The following KIF16B variants were observed in gnomAD, a reference collection of about 807,000 sequenced individuals.
KIF16B encodes kinesin family member 16B.
Under a neutral mutation model 156.3 loss-of-function variants are expected in KIF16B, and 98 were observed. The ratio of observed to expected loss-of-function variants is 0.63; its 90% CI spans 0.53 to 0.74. The LOEUF (loss-of-function observed/expected upper bound fraction) is 0.74, where lower values mean the gene tolerates loss of function less well. Among genes scored for constraint, KIF16B ranks in the 30% least tolerant of loss-of-function variants. The pLI, the probability that KIF16B is intolerant of heterozygous loss-of-function variation, is 0.00. For missense variants in KIF16B, 1,421 were observed against 1,606.5 expected, an observed-to-expected ratio of 0.88 and a Z score of 1.97; for synonymous variants, 564 against 583.7, an observed-to-expected ratio of 0.97 and a Z score of 0.49.
intron 12 of KIF16B, among the ~76,000 whole-genome samples, chr20:16,440,533 GCACACACA>G (rs71192333): frequency 0.27 from 37,392 of 138,070 alleles, 5,262 homozygotes; most frequent in East Asian, 0.5. Context: ...ACAAGCGCGC[GCACACACA>G]CACACACACA....
chr20:16,443,412 C>T (rs983111204), intron 12 of KIF16B, among the ~76,000 whole-genome samples: 1 of 152,136 alleles, frequency 6.6e-6, no homozygotes, highest in African/African-American at 2.4e-5. Context: ...CCTCTATGAA[C>T]CCAAAGAGTT....
intron 25 of KIF16B, among the ~76,000 whole-genome samples, chr20:16,305,812 T>C (rs1190256656): frequency 2.0e-5 from 3 of 152,178 alleles, no homozygotes; most frequent in Admixed American, 6.5e-5. Context: ...GCACTTAACA[T>C]AATGACCTCC....
chr20:16,308,582 C>T (rs1432195119), intron 25 of KIF16B, among the ~76,000 whole-genome samples: 1 of 152,202 alleles, frequency 6.6e-6, no homozygotes, highest in Admixed American at 6.5e-5. Context: ...TTTCTCCTCC[C>T]CAAGACATAG....
chr20:16,412,746 G>A (rs934064038), intron 15 of KIF16B, among the ~76,000 whole-genome samples: 2 of 152,044 alleles, frequency 1.3e-5, no homozygotes, highest in African/African-American at 4.8e-5. Context: ...GGGATTATGG[G>A]AACTACAATT....
chr20:16,417,044 T>C (rs1384038266), intron 15 of KIF16B, among the ~76,000 whole-genome samples: 3 of 152,048 alleles, frequency 2.0e-5, no homozygotes, highest in Non-Finnish European at 4.4e-5. Flanking sequence ...TGTCCTCTCA[T>C]TTCTTGGCCG....
chr20:16,559,084 A>AACCC (rs1329733271), intron 1 of KIF16B, among the ~76,000 whole-genome samples: 81 of 152,028 alleles, frequency 5.3e-4, no homozygotes, highest in Non-Finnish European at 1.0e-3. Flanking sequence ...CCCTATAGGC[A>AACCC]TTGAGTTTGC....
chr20:16,436,997 C>T (rs895420700), intron 12 of KIF16B, among the ~76,000 whole-genome samples: 5 of 152,124 alleles, frequency 3.3e-5, no homozygotes, highest in African/African-American at 7.2e-5. Flanking sequence ...AAGTCTCTCA[C>T]GTAAAATGGC....
chr20:16,504,449 C>T lies in KIF16B; in HGVS notation c.1099G>A (p.Asp367Asn), dbSNP rs1247466656. Residue 367 changes from aspartate to asparagine, a missense_variant, in exon 10 of 26, where the codon GAT becomes AAT. By Grantham distance (23) the Asp-to-Asn change is conservative. Transcript: ENST00000354981. The part of the protein sequence containing the change: ...NIINKPTINE[D>N]ANVKLIRELR... ...TCACGGATAAGTTTGACGTTGGCAT[C>T]CTCATTAATGGTAGGCTTGTTGATG... 1 of 1,614,120 alleles carries T rather than the reference C, an allele frequency of 6.2e-7. No homozygotes were observed. The highest frequency in any genetic ancestry group is 8.5e-7 in the Non-Finnish European group (1 of 1,179,978).
chr20:16,480,604 C>G (rs952075353), intron 12 of KIF16B, among the ~76,000 whole-genome samples: 1 of 152,120 alleles, frequency 6.6e-6, no homozygotes, highest in Non-Finnish European at 1.5e-5. Context: ...GTATTTCATT[C>G]AAATGAGATA....
rs559146152 is a variant in KIF16B at position 16,489,170 on chromosome 20, C to A, written c.1302+5121G>T. ...CCGAGGGCAAGGCTATGTCACCTGG[C>A]AGAACTGCTACCACAATGGGCTGGT... On this transcript the variant is annotated intron_variant, in intron 12 of 25. Coordinates refer to ENST00000354981, the MANE Select transcript of KIF16B (RefSeq NM_024704.5). Among the ~76,000 whole-genome samples, 206 of 152,258 alleles carry A rather than the reference C, an allele frequency of 1.4e-3. 1 individual carries two copies. The highest frequency in any genetic ancestry group is 4.6e-3 in the African/African-American group (192 of 41,540).
At chr20:16,467,531 G>C (rs2067527076) in intron 12 of KIF16B, among the ~76,000 whole-genome samples, 1 of 152,134 alleles carries the variant, frequency 6.6e-6, no homozygotes, top group Non-Finnish European at 1.5e-5. Context: ...GGCATTAATG[G>C]AAAAAGTAGA....
intron 12 of KIF16B, among the ~76,000 whole-genome samples, chr20:16,442,197 C>T (rs2066818372): frequency 1.3e-5 from 2 of 152,060 alleles, no homozygotes; most frequent in African/African-American, 2.4e-5. Flanking sequence ...TACTGTACAG[C>T]ATGGTGACTA....
At chr20:16,318,374 T>C (rs4814468) in intron 24 of KIF16B, among the ~76,000 whole-genome samples, 41,289 of 151,734 alleles carry the variant, frequency 0.27, 5,972 homozygotes, top group East Asian at 0.58. Context: ...CCCAAAGAAG[T>C]AAATAATACA....
chr20:16,361,449 A>G (rs576992806), intron 22 of KIF16B, among the ~76,000 whole-genome samples: 1 of 152,310 alleles, frequency 6.6e-6, no homozygotes, highest in East Asian at 1.9e-4. Context: ...TGCCTTTGCT[A>G]TGAGGGGATC....
At chr20:16,386,530 G>C (rs2065234739) in intron 17 of KIF16B, among the ~76,000 whole-genome samples, 1 of 151,780 alleles carries the variant, frequency 6.6e-6, no homozygotes, top group African/African-American at 2.4e-5. Context: ...GCGCTTTCTT[G>C]GTAGGTTTAG....
intron 10 of KIF16B, among the ~76,000 whole-genome samples, chr20:16,503,818 T>C (rs535840819): frequency 1.3e-5 from 2 of 152,226 alleles, no homozygotes; most frequent in South Asian, 2.1e-4. Context: ...GAATCTTCAC[T>C]AGAATCCCAA....
At chr20:16,478,387 T>C (rs1474333526) in intron 12 of KIF16B, among the ~76,000 whole-genome samples, 2 of 152,232 alleles carry the variant, frequency 1.3e-5, no homozygotes, top group African/African-American at 4.8e-5. Context: ...GTTGGAAAAC[T>C]ATTTTCAGTA....
In KIF16B at chr20:16,403,083, A is replaced by C. The variant is rs143941542; in HGVS notation, c.1784+1730T>G. Among the ~76,000 whole-genome samples the C allele has an allele frequency of 1.6e-4, 24 of 152,324 alleles. No individual in the cohort carries two copies. In the East Asian group the frequency reaches 4.2e-3, roughly 27 times the overall value. ...CAAAGCCATTGAATAGCCATATTAC[A>C]TTAGCAAATGGCTTCACATTAAAAG... On this transcript the variant is annotated intron_variant, in intron 17 of 25. Coordinates refer to ENST00000354981, the MANE Select transcript of KIF16B (RefSeq NM_024704.5).
intron 23 of KIF16B, among the ~76,000 whole-genome samples, chr20:16,336,729 C>T (rs1057293843): frequency 1.3e-5 from 2 of 152,176 alleles, no homozygotes; most frequent in African/African-American, 4.8e-5. Context: ...AGCATTCTAC[C>T]ACCACCTACC....
Sources: allele counts gnomAD v4.1 joint callset (sites outside exome capture counted in the v4.1 genomes callset), GRCh38; gene constraint gnomAD v4.1.1; transcripts MANE v1.5; gene names NCBI Gene and HGNC (gene_info 2026-07-23, HGNC 2026-07-21).